CYP2C8: variants seen among roughly 807,000 people sequenced by gnomAD.
CYP2C8 encodes cytochrome P450 2C8.
In CYP2C8, 51 loss-of-function variants were observed where a neutral mutation model predicts 41.3. The observed-to-expected ratio is 1.24, with a 90% CI of 0.99 to 1.56. The LOEUF is 1.56. Among genes scored for constraint, CYP2C8 ranks in the 40% most tolerant of loss-of-function variants. The probability of loss-of-function intolerance (pLI) is 0.00; values close to 1 mark genes in which losing one functional copy is unlikely to be tolerated. For missense variants in CYP2C8, 651 were observed against 579.9 expected (o/e 1.12, Z -1.26); for synonymous variants, 218 against 205.8 (o/e 1.06, Z -0.51).
At chr10:95,068,241 G>A (rs1467746967) in intron 1 of CYP2C8, among the ~76,000 whole-genome samples, 2 of 150,580 alleles carry the variant, frequency 1.3e-5, no homozygotes, top group Admixed American at 1.3e-4. Flanking sequence ...CTAATGCCCA[G>A]TCCAGTTTGT....
chr10:95,049,620 C>T (rs1280342627), intron 5 of CYP2C8, among the ~76,000 whole-genome samples: 1 of 152,132 alleles, frequency 6.6e-6, no homozygotes, highest in East Asian at 1.9e-4. Flanking sequence ...CAAGCCTCAT[C>T]ACTGTGGACT....
Position 95,067,536 on chromosome 10 carries a change from T to A in CYP2C8, c.324A>T (p.Lys108Asn), listed in dbSNP as rs188305680. The A allele has an allele frequency of 6.2e-7, 1 of 1,613,988 alleles. No individual in the cohort carries two copies. The highest frequency in any genetic ancestry group is 8.5e-7 in the Non-Finnish European group (1 of 1,180,022). The change falls in exon 2 of 9, where the codon AAA (lysine) becomes AAT (asparagine). Residue 108 changes from lysine (K) to asparagine (N), a missense_variant. Lys to Asn is a moderately conservative substitution (Grantham distance 94). Coordinates refer to ENST00000371270, the MANE Select transcript of CYP2C8 (RefSeq NM_000770.3). Reference sequence around the variant, plus strand: ...AGAAATATGTGCACCTACCAAGTCCTTTAGTAATTCTTTGAGATATTGGGG... The same window carrying A: ...AGAAATATGTGCACCTACCAAGTCCATTAGTAATTCTTTGAGATATTGGGG... ...GNSPISQRIT[K>N]GLGIISSNGK...
intron 4 of CYP2C8, among the ~76,000 whole-genome samples, chr10:95,064,420 C>G (rs1041045413): frequency 5.3e-5 from 8 of 152,182 alleles, no homozygotes; most frequent in Admixed American, 5.2e-4. Context: ...GCATGGGACC[C>G]TCCAAGCCAG....
In CYP2C8 at chr10:95,067,673, G is replaced by A. The variant is rs777455799; in HGVS notation, c.187C>T (p.Pro63Ser). 1 of 1,614,132 alleles carries A rather than the reference G, an allele frequency of 6.2e-7. No individual in the cohort carries two copies. The highest frequency in any genetic ancestry group is 1.1e-5 in the South Asian group (1 of 91,074). The change falls in exon 2 of 9, where the codon CCT (proline) becomes TCT (serine). Residue 63 changes from proline to serine, a missense_variant. Coordinates refer to ENST00000371270, the MANE Select transcript of CYP2C8 (RefSeq NM_000770.3). ...SFTNFSKVYG[P>S]VFTVYFGMNP... Reference sequence around the variant, plus strand: ...ATGCCAAAATACACGGTGAACACAGGACCATAGACTTTTGAGAACTGGGAA... The same window carrying A: ...ATGCCAAAATACACGGTGAACACAGAACCATAGACTTTTGAGAACTGGGAA...
rs140593572 is a variant in CYP2C8, at chr10:95,045,626, G to C, written c.961+184C>G. On this transcript the variant is annotated intron_variant, in intron 6 of 8. Coordinates refer to ENST00000371270, the MANE Select transcript of CYP2C8 (RefSeq NM_000770.3). Reference sequence around the variant, plus strand: ...TGCCATACTGTTTCTACTGATCTCTGTCATCCTCCTCCATTGTACAAAGAT... The same window carrying C: ...TGCCATACTGTTTCTACTGATCTCTCTCATCCTCCTCCATTGTACAAAGAT... 3.6e-4 allele frequency among the ~76,000 whole-genome samples: 55 copies of C among 152,228 alleles called. No homozygotes were observed. The East Asian group carries it at 0.01, about 28-fold the overall frequency.
intron 6 of CYP2C8, among the ~76,000 whole-genome samples, chr10:95,045,202 A>T (rs1490923921): frequency 6.6e-6 from 1 of 152,246 alleles, no homozygotes; most frequent in Non-Finnish European, 1.5e-5. Context: ...AGATGCAATT[A>T]TTAAACCCCC....
intron 5 of CYP2C8, among the ~76,000 whole-genome samples, chr10:95,052,692 G>A (rs1181713262): frequency 6.6e-6 from 1 of 151,932 alleles, no homozygotes; most frequent in Non-Finnish European, 1.5e-5. Flanking sequence ...AAGAACGAAA[G>A]CATATGGTCA....
rs781484717 is a variant in CYP2C8 at position 95,069,245 on chromosome 10, G to T, written c.158C>A (p.Ser53Tyr). Residue 53 changes from serine to tyrosine, a missense_variant, in exon 1 of 9, where the codon TCT becomes TAT. Physicochemically the swap from Ser to Tyr is moderately radical, Grantham distance 144 (BLOSUM62 -2). Transcript: ENST00000371270. ...LQIDVKDICK[S>Y]FTNFSKVYGP... ...ATAAGGCAGACTTACATTGGTGAAA[G>T]ATTTGCAGATGTCCTTAACATCTAT... 1 of 1,614,112 alleles carries T rather than the reference G, an allele frequency of 6.2e-7. No individual in the cohort carries two copies. Among genetic ancestry groups the T allele is most frequent in the South Asian group, 1.1e-5 (1 of 91,084 alleles).
rs11572080 is a variant in CYP2C8 at position 95,067,273 on chromosome 10, C to T, written c.416G>A (p.Arg139Lys). The T allele has an allele frequency of 0.1, 166,794 of 1,614,040 alleles. 9,726 individuals are homozygous for T. The highest frequency in any genetic ancestry group is 0.12 in the Middle Eastern group (741 of 6,058). Residue 139 changes from arginine to lysine, a missense_variant, in exon 3 of 9, where the codon AGG (arginine) becomes AAG (lysine). By Grantham distance (26) the Arg-to-Lys change is conservative. Transcript: ENST00000371270. ...TTLRNFGMGK[R>K]SIEDRVQEEA... ...CTCTTGAACACGGTCCTCAATGCTC[C>T]TCTTCCCCATCCCAAAATTCCGCAA...
chr10:95,043,845 T>A (rs771922990), intron 6 of CYP2C8, among the ~76,000 whole-genome samples: 1 of 145,312 alleles, frequency 6.9e-6, no homozygotes, highest in Non-Finnish European at 1.5e-5. Flanking sequence ...TTTACATCAT[T>A]CTAAATATAC....
intron 1 of CYP2C8, 120 bp downstream of exon 1, chr10:95,069,115 G>A (rs1334143794): frequency 6.3e-6 from 7 of 1,119,348 alleles, no homozygotes; most frequent in African/African-American, 4.6e-5. Context: ...TTCAGAGGGA[G>A]TATTTTGCTT....
intron 8 of CYP2C8, 123 bp downstream of exon 8, chr10:95,038,774 G>T: frequency 1.1e-6 from 1 of 887,482 alleles, no homozygotes; most frequent in East Asian, 2.6e-5. Context: ...GTTAAGAGTG[G>T]TGCTCTTGAT....
intron 5 of CYP2C8, among the ~76,000 whole-genome samples, chr10:95,050,936 G>A (rs74150759): frequency 0.012 from 1,889 of 152,140 alleles, 56 homozygotes; most frequent in African/African-American, 0.044. Flanking sequence ...CCCAGCCCCC[G>A]ATGAATATCT....
chr10:95,069,495 TGTAAA>T (rs563583799), exon 1 of CYP2C8: 231 of 1,047,866 alleles, frequency 2.2e-4, 1 homozygote, highest in African/African-American at 2.7e-3. Flanking sequence ...CTCTTTGACA[TGTAAA>T]GTAAACAATC....
In CYP2C8 at chr10:95,039,074, G is replaced by A. The variant is rs1251406865; in HGVS notation, c.1150-36C>T. 1.9e-6 allele frequency: 3 copies of A among 1,597,096 alleles called. No individual in the cohort carries two copies. In the South Asian group the frequency reaches 3.3e-5, roughly 18 times the overall value. On this transcript the variant is annotated intron_variant, in intron 7 of 8. Coordinates refer to ENST00000371270, the MANE Select transcript of CYP2C8 (RefSeq NM_000770.3). ...CAAAACAGATAATCTGATTTATAAA[G>A]AAGTCCAGAAGTGAGGAGAAGTAGT...
At chr10:95,039,104 A>G in intron 7 of CYP2C8, 66 bp from the exon 8 acceptor site, 1 of 1,397,460 alleles carries the variant, frequency 7.2e-7, no homozygotes, top group Non-Finnish European at 1.0e-6. Context: ...AGTAGTGGAC[A>G]TCACGTAGCG....
At chr10:95,067,463 T>C (rs2033595456) in intron 2 of CYP2C8, 66 bp downstream of exon 2, 2 of 1,613,232 alleles carry the variant, frequency 1.2e-6, no homozygotes, top group East Asian at 4.5e-5. Flanking sequence ...AGAAGCTTTT[T>C]AGGGCTCTGT....
intron 4 of CYP2C8, among the ~76,000 whole-genome samples, chr10:95,059,204 C>T (rs1350965334): frequency 6.6e-6 from 1 of 152,168 alleles, no homozygotes; most frequent in East Asian, 1.9e-4. Context: ...TTCTAGATCC[C>T]TGAGGAATCA....
chr10:95,066,289 G>A (rs2033566735), intron 3 of CYP2C8, among the ~76,000 whole-genome samples: 1 of 151,032 alleles, frequency 6.6e-6, no homozygotes, highest in South Asian at 2.1e-4. Context: ...TAATCAGATT[G>A]ATTATAACAA....
Sources: gnomAD v4.1 joint callset for allele counts (sites outside exome capture counted in the v4.1 genomes callset) on GRCh38, gnomAD v4.1.1 for gene constraint, MANE v1.5 for transcripts, NCBI Gene and HGNC (gene_info 2026-07-23, HGNC 2026-07-21) for gene names.